UBAC2: variants seen among roughly 807,000 people sequenced by gnomAD.
UBAC2 encodes ubiquitin-associated domain-containing protein 2.
Under a neutral mutation model 44.0 loss-of-function variants are expected in UBAC2, and 26 were observed. The observed-to-expected ratio is 0.59, with a 90% CI of 0.43 to 0.82. The LOEUF (loss-of-function observed/expected upper bound fraction) is 0.82. UBAC2 is among the 40% of genes least tolerant of loss of function. The probability of loss-of-function intolerance (pLI) is 0.00; values close to 1 mark genes in which losing one functional copy is unlikely to be tolerated. For synonymous variants in UBAC2, 155 were observed against 154.3 expected (o/e 1.00, Z -0.04); for missense variants, 329 against 419.4 (o/e 0.78, Z 1.88).
chr13:99,356,459 G>A (rs763139517), intron 7 of UBAC2, among the ~76,000 whole-genome samples: 8 of 152,210 alleles, frequency 5.3e-5, no homozygotes, highest in Non-Finnish European at 7.3e-5. Context: ...TCTCCTGATC[G>A]TATTGCCATG....
At chr13:99,267,936 G>A (rs550948118) in intron 4 of UBAC2, among the ~76,000 whole-genome samples, 4 of 152,236 alleles carry the variant, frequency 2.6e-5, no homozygotes, top group Admixed American at 1.3e-4. Context: ...GCTCTGTACC[G>A]GTAAGTCGTC....
chr13:99,262,931 ATTC>A (rs148779334), intron 4 of UBAC2, among the ~76,000 whole-genome samples: 49 of 152,206 alleles, frequency 3.2e-4, no homozygotes, highest in African/African-American at 1.1e-3. Context: ...ATCTGCCATT[ATTC>A]TTAACTAAAT....
intron 8 of UBAC2, among the ~76,000 whole-genome samples, chr13:99,370,905 C>G (rs1302895109): frequency 6.6e-6 from 1 of 152,154 alleles, no homozygotes; most frequent in Non-Finnish European, 1.5e-5. Flanking sequence ...CAATAACCTG[C>G]CATGTGTAAA....
At chr13:99,361,091 C>T (rs1038836682) in intron 7 of UBAC2, among the ~76,000 whole-genome samples, 1 of 152,176 alleles carries the variant, frequency 6.6e-6, no homozygotes, top group South Asian at 2.1e-4. Flanking sequence ...GAAACTTTTA[C>T]TGCTCCTCGG....
intron 1 of UBAC2, among the ~76,000 whole-genome samples, chr13:99,202,694 C>G (rs562060386): frequency 5.9e-5 from 9 of 152,076 alleles, no homozygotes; most frequent in African/African-American, 2.2e-4. Flanking sequence ...CAGGGAGAGG[C>G]GTAGGTCTGG....
At chr13:99,217,866 T>C (rs2043014950) in intron 1 of UBAC2, among the ~76,000 whole-genome samples, 1 of 152,180 alleles carries the variant, frequency 6.6e-6, no homozygotes, top group Admixed American at 6.5e-5. Flanking sequence ...ACCGAGCTCG[T>C]GCCCACCTTC....
chr13:99,279,094 C>G (rs1286239332), intron 4 of UBAC2, among the ~76,000 whole-genome samples: 3 of 152,170 alleles, frequency 2.0e-5, no homozygotes, highest in African/African-American at 4.8e-5. Flanking sequence ...CTTTCTCCTT[C>G]CTTTTCCCAC....
At chr13:99,312,285 A>G (rs1312188241) in intron 4 of UBAC2, among the ~76,000 whole-genome samples, 1 of 152,204 alleles carries the variant, frequency 6.6e-6, no homozygotes, top group Non-Finnish European at 1.5e-5. Context: ...AGTGAAACAT[A>G]TGTTTTGCAT....
intron 1 of UBAC2, chr13:99,201,543 C>T: frequency 6.2e-7 from 1 of 1,614,128 alleles, no homozygotes; most frequent in Non-Finnish European, 8.5e-7. Flanking sequence ...TGCTGTTTTC[C>T]TGGCGTGTTA....
intron 7 of UBAC2, among the ~76,000 whole-genome samples, chr13:99,351,005 T>G (rs962468842): frequency 2.6e-5 from 4 of 152,146 alleles, no homozygotes; most frequent in African/African-American, 9.7e-5. Context: ...AAGAAAACAG[T>G]GTTGTTTTTC....
At chr13:99,291,206 A>G (rs1394784426) in intron 4 of UBAC2, among the ~76,000 whole-genome samples, 1 of 152,214 alleles carries the variant, frequency 6.6e-6, no homozygotes, top group Non-Finnish European at 1.5e-5. Context: ...TGATGCCTGT[A>G]GAGGACTTGG....
intron 4 of UBAC2, chr13:99,296,026 G>A (rs763497376): frequency 4.7e-5 from 76 of 1,613,972 alleles, no homozygotes; most frequent in Middle Eastern, 1.6e-4. Context: ...TGATGAAGAC[G>A]AGGCTGTAAT....
intron 4 of UBAC2, among the ~76,000 whole-genome samples, chr13:99,301,644 GA>G (rs80175291): frequency 7.4e-5 from 11 of 149,556 alleles, no homozygotes; most frequent in East Asian, 5.8e-4. Context: ...GCCGCAAAAG[GA>G]AAAAAAAATA....
chr13:99,385,188 T>C (rs1353047732), intron 8 of UBAC2, 40 bp from the exon 9 acceptor site: 1 of 1,462,858 alleles, frequency 6.8e-7, no homozygotes, highest in Non-Finnish European at 9.6e-7. Context: ...TAAGCGGCAA[T>C]GTCAGCGCCC....
intron 1 of UBAC2, among the ~76,000 whole-genome samples, chr13:99,233,221 T>C (rs1185874123): frequency 6.6e-6 from 1 of 151,876 alleles, no homozygotes; most frequent in African/African-American, 2.4e-5. Flanking sequence ...CAAGTGATTC[T>C]CCTGCCTCAG....
intron 4 of UBAC2, among the ~76,000 whole-genome samples, chr13:99,300,663 G>A (rs2044244772): frequency 1.3e-5 from 2 of 152,196 alleles, no homozygotes; most frequent in African/African-American, 4.8e-5. Context: ...CCATGTGCTA[G>A]ATGCTGGGAA....
intron 4 of UBAC2, among the ~76,000 whole-genome samples, chr13:99,297,020 G>T (rs749600903): frequency 6.6e-6 from 1 of 152,032 alleles, no homozygotes; most frequent in African/African-American, 2.4e-5. Context: ...TATATTTGTC[G>T]TGTATATTTT....
chr13:99,215,575 G>C, intron 1 of UBAC2: 1 of 1,383,248 alleles, frequency 7.2e-7, no homozygotes, highest in African/African-American at 1.4e-5. Context: ...TCTGCGGTGA[G>C]GTACTCCAGG....
At chr13:99,268,630 A>AAAAG (rs1555325444) in intron 4 of UBAC2, among the ~76,000 whole-genome samples, 6 of 140,728 alleles carry the variant, frequency 4.3e-5, no homozygotes, top group Non-Finnish European at 7.7e-5. Context: ...AAAAAAAAAA[A>AAAAG]AAAAGAAACA....
Sources: allele counts gnomAD v4.1 joint callset (sites outside exome capture counted in the v4.1 genomes callset), GRCh38; gene constraint gnomAD v4.1.1; transcripts MANE v1.5; gene names NCBI Gene and HGNC (gene_info 2026-07-23, HGNC 2026-07-21).